The following IQCH variants were observed in gnomAD, a reference collection of about 807,000 sequenced individuals.
IQCH encodes the protein IQ domain-containing protein H.
In IQCH, 98 loss-of-function variants were observed where a neutral mutation model predicts 117.0. The ratio of observed to expected loss-of-function variants is 0.84; its 90% CI spans 0.71 to 0.99. The LOEUF (loss-of-function observed/expected upper bound fraction) is 0.99. Among genes scored for constraint, IQCH ranks in the 50% least tolerant of loss-of-function variants. The probability of loss-of-function intolerance (pLI) is 0.00; values close to 1 mark genes in which losing one functional copy is unlikely to be tolerated. For missense variants in IQCH, 1,102 were observed against 1,243.8 expected, an observed-to-expected ratio of 0.89 and a Z score of 1.72; for synonymous variants, 412 against 448.2, an observed-to-expected ratio of 0.92 and a Z score of 1.02.
intron 5 of IQCH, among the ~76,000 whole-genome samples, chr15:67,341,071 G>A (rs1003470483): frequency 1.3e-5 from 2 of 152,148 alleles, no homozygotes; most frequent in African/African-American, 4.8e-5. Context: ...AAAATGAGCC[G>A]GGTATGGTGG....
At position 67,478,881 on chromosome 15, in the gene IQCH, G is replaced by A. The variant is rs182937101; in HGVS notation, c.2799+3063G>A. 6.1e-4 allele frequency among the ~76,000 whole-genome samples: 92 copies of A among 151,716 alleles called. 6 individuals are homozygous for A. Among genetic ancestry groups the A allele is most frequent in the East Asian group, 5.8e-3 (30 of 5,140 alleles). ...AGAGGTTGCAGTGAGCCGAGATTGC[G>A]CCACTGCACTCCAGCCTGGTGACAG... On this transcript the variant is annotated intron_variant, in intron 18 of 20. Transcript: ENST00000335894.
chr15:67,315,551 G>A (rs983178852), intron 4 of IQCH, among the ~76,000 whole-genome samples: 4 of 151,968 alleles, frequency 2.6e-5, no homozygotes, highest in African/African-American at 9.7e-5. Context: ...TACTGGTAAC[G>A]AAACTTCAGT....
At chr15:67,468,575 T>G (rs1351193180) in intron 17 of IQCH, among the ~76,000 whole-genome samples, 3 of 152,256 alleles carry the variant, frequency 2.0e-5, no homozygotes, top group African/African-American at 4.8e-5. Flanking sequence ...AGCAACACAT[T>G]AATAATTCAG....
intron 8 of IQCH, among the ~76,000 whole-genome samples, chr15:67,363,380 C>T (rs1970217810): frequency 6.6e-6 from 1 of 151,586 alleles, no homozygotes; most frequent in African/African-American, 2.4e-5. Context: ...GGACTAGAGG[C>T]GTGCACCACC....
Position 67,336,968 on chromosome 15 carries a change from T to G in IQCH, c.388-7T>G. The stretch of plus-strand genomic sequence containing the variant: ...ATGTTTGCTGAAACAAATTTTTTAT[T>G]ATCTAGATAAAGGTTTCGAAGTTAA... On this transcript the variant is annotated splice_polypyrimidine_tract_variant and splice_region_variant and intron_variant, in intron 4 of 20. Coordinates refer to ENST00000335894, the MANE Select transcript of IQCH (RefSeq NM_001031715.3). The G allele has an allele frequency of 1.9e-6, 3 of 1,611,770 alleles. No individual in the cohort carries two copies. The highest frequency in any genetic ancestry group is 2.5e-6 in the Non-Finnish European group (3 of 1,179,120).
intron 16 of IQCH, among the ~76,000 whole-genome samples, chr15:67,438,366 A>G (rs906802121): frequency 6.6e-6 from 1 of 152,234 alleles, no homozygotes; most frequent in Non-Finnish European, 1.5e-5. Flanking sequence ...ATTCGCCATT[A>G]CCACGCCACC....
chr15:67,281,136 G>A (rs1029808482), intron 4 of IQCH, among the ~76,000 whole-genome samples: 17 of 152,158 alleles, frequency 1.1e-4, no homozygotes, highest in African/African-American at 1.9e-4. Flanking sequence ...GAGCCACCGC[G>A]CGTGGCCAGT....
In IQCH at chr15:67,391,859, G is replaced by C. The variant is rs1161186081; in HGVS notation, c.1632+2853G>C. Among the ~76,000 whole-genome samples, 2 of 152,172 alleles carry C rather than the reference G, an allele frequency of 1.3e-5. No individual in the cohort carries two copies. The highest frequency in any genetic ancestry group is 4.8e-5 in the African/African-American group (2 of 41,448). On this transcript the variant is annotated intron_variant, in intron 12 of 20. Coordinates refer to ENST00000335894, the MANE Select transcript of IQCH (RefSeq NM_001031715.3). This position sits in a 1 kb window ranked among gnomAD's most constrained non-coding sequence, Gnocchi z 4.3. Reference sequence around the variant, plus strand: ...CGCAGATGACTATAATACAGAGTTGGGTAGAGTACTTGCCAATAGAAACAC... The same window carrying C: ...CGCAGATGACTATAATACAGAGTTGCGTAGAGTACTTGCCAATAGAAACAC...
rs886829628 is a variant in IQCH at position 67,454,276 on chromosome 15, G to C, written c.2506-10851G>C. Among the ~76,000 whole-genome samples the C allele has an allele frequency of 2.6e-5, 4 of 152,136 alleles. No homozygotes were observed. Among genetic ancestry groups the C allele is most frequent in the African/African-American group, 9.7e-5 (4 of 41,424 alleles). ...TGGCACTCCCCAGTGAGATGAACCCGGTACCTCAGTTGGAAATGCAGAAAT... is the reference window on the plus strand; with the variant it reads ...TGGCACTCCCCAGTGAGATGAACCCCGTACCTCAGTTGGAAATGCAGAAAT... On this transcript the variant is annotated intron_variant, in intron 16 of 20. Coordinates refer to ENST00000335894, the MANE Select transcript of IQCH (RefSeq NM_001031715.3). The surrounding 1 kb of genome is among the most constrained non-coding windows in gnomAD (Gnocchi z 5.2).
chr15:67,272,045 G>A (rs1007142749), intron 3 of IQCH, among the ~76,000 whole-genome samples: 9 of 151,920 alleles, frequency 5.9e-5, no homozygotes, highest in African/African-American at 1.9e-4. Context: ...TTTGATATAG[G>A]CATTTATTGT....
At chr15:67,340,426 CAAAAAAAAAAAAAAAAAA>C (rs57244130) in intron 5 of IQCH, among the ~76,000 whole-genome samples, 34 of 62,654 alleles carry the variant, frequency 5.4e-4, no homozygotes, top group African/African-American at 1.2e-3. Context: ...TACTCCATCT[CAAAAAAAAAAAAAAAAAA>C]AAAAAAAAAA....
rs2081507340 is a variant in IQCH at position 67,413,751 on chromosome 15, C to A, written c.2098-3180C>A. 6.6e-6 allele frequency among the ~76,000 whole-genome samples: 1 copy of A among 152,180 alleles called. No individual in the cohort carries two copies. Among genetic ancestry groups the A allele is most frequent in the South Asian group, 2.1e-4 (1 of 4,826 alleles). ...AGCTGCCTCTGTGTGCCCCAGCATC[C>A]CTACTGAATGTCACCCCGCCAGTGC... On this transcript the variant is annotated intron_variant, in intron 14 of 20. Coordinates refer to ENST00000335894, the MANE Select transcript of IQCH (RefSeq NM_001031715.3). This position sits in a 1 kb window ranked among gnomAD's most constrained non-coding sequence, Gnocchi z 5.0.
chr15:67,449,381 C>T (rs2082465394), intron 16 of IQCH, among the ~76,000 whole-genome samples: 1 of 151,904 alleles, frequency 6.6e-6, no homozygotes, highest in Non-Finnish European at 1.5e-5. Flanking sequence ...GTCTTTAATC[C>T]ATCTTGAATT....
chr15:67,370,576 G>A lies in IQCH; in HGVS notation c.754-1535G>A, dbSNP rs1210256122. On this transcript the variant is annotated intron_variant, in intron 8 of 20. Coordinates refer to ENST00000335894, the MANE Select transcript of IQCH (RefSeq NM_001031715.3). This position sits in a 1 kb window ranked among gnomAD's most constrained non-coding sequence, Gnocchi z 5.6. ...TGCCAGCACTGGTGGCTGCTGAAGG[G>A]GGCATTACTTCTCCAACTTTCTCTT... 6.6e-6 allele frequency among the ~76,000 whole-genome samples: 1 copy of A among 152,160 alleles called. No homozygotes were observed. The highest frequency in any genetic ancestry group is 1.9e-4 in the East Asian group (1 of 5,198).
At chr15:67,373,643 C>T (rs1280664956) in intron 10 of IQCH, 7 of 648,296 alleles carry the variant, frequency 1.1e-5, no homozygotes, top group Non-Finnish European at 1.9e-5. Context: ...TATGTGGGGG[C>T]TGCTATTCAG....
At chr15:67,412,688 C>T (rs764467255) in intron 14 of IQCH, among the ~76,000 whole-genome samples, 7 of 152,130 alleles carry the variant, frequency 4.6e-5, no homozygotes, top group Non-Finnish European at 7.4e-5. Context: ...CATGAGCCAC[C>T]GCGCCCGGCC....
At chr15:67,444,114 G>T (rs1482649152) in intron 16 of IQCH, among the ~76,000 whole-genome samples, 1 of 152,166 alleles carries the variant, frequency 6.6e-6, no homozygotes, top group Non-Finnish European at 1.5e-5. Context: ...CAAAGAAAAC[G>T]TATGTTTCTC....
At chr15:67,423,988 G>A (rs1007260948) in intron 16 of IQCH, among the ~76,000 whole-genome samples, 1 of 152,116 alleles carries the variant, frequency 6.6e-6, no homozygotes, top group African/African-American at 2.4e-5. Flanking sequence ...TTTGAGTTTG[G>A]TATAAGGAAA....
chr15:67,349,287 A>G (rs570897958), intron 6 of IQCH, among the ~76,000 whole-genome samples: 5 of 152,224 alleles, frequency 3.3e-5, no homozygotes, highest in Admixed American at 2.6e-4. Flanking sequence ...TTAAACATTT[A>G]TACTCTTTGG....
Sources: gnomAD v4.1 joint callset for allele counts (sites outside exome capture counted in the v4.1 genomes callset) on GRCh38, gnomAD v4.1.1 for gene constraint, Gnocchi (gnomAD v3.1) non-coding constraint, MANE v1.5 for transcripts, NCBI Gene and HGNC (gene_info 2026-07-23, HGNC 2026-07-21) for gene names.